Variants in PSAP observed in about 807,000 individuals in gnomAD.
PSAP encodes the protein prosaposin.
A neutral mutation model predicts 66.0 loss-of-function variants in PSAP; 25 were observed. The ratio of observed to expected loss-of-function variants is 0.38; its 90% CI spans 0.28 to 0.53. The LOEUF is 0.53. Among genes scored for constraint, PSAP ranks in the 20% least tolerant of loss-of-function variants. The probability of loss-of-function intolerance (pLI) is 0.83; values close to 1 mark genes in which losing one functional copy is unlikely to be tolerated. For missense variants in PSAP, 649 were observed against 668.8 expected, an observed-to-expected ratio of 0.97 and a Z score of 0.33; for synonymous variants, 273 against 258.9, an observed-to-expected ratio of 1.05 and a Z score of -0.52.
chr10:71,827,941 C>T lies in PSAP; in HGVS notation c.720+73G>A, dbSNP rs141634922. ...AAAAAAGAGAAGGATGTTGTCTGAA[C>T]GCCCTACTCCAGCCTCCACAGCCCA... On this transcript the variant is annotated intron_variant, in intron 6 of 13. Coordinates refer to ENST00000394936, the MANE Select transcript of PSAP (RefSeq NM_002778.4). 1,213 of 1,587,370 alleles carry T rather than the reference C, an allele frequency of 7.6e-4. 10 individuals are homozygous for T. In the African/African-American group the frequency reaches 0.014, roughly 19 times the overall value.
Position 71,833,082 on chromosome 10 carries a change from T to C in PSAP, c.175-1162A>G, listed in dbSNP as rs1487880817. Among the ~76,000 whole-genome samples, 5 of 149,022 alleles carry C rather than the reference T, an allele frequency of 3.4e-5. No individual in the cohort carries two copies. The Admixed American group carries it at 3.4e-4, about 10-fold the overall frequency. On this transcript the variant is annotated intron_variant, in intron 2 of 13. Coordinates refer to ENST00000394936, the MANE Select transcript of PSAP (RefSeq NM_002778.4). ...CCATGACAAGACCAGCCAATCAAGT[T>C]TTAAAGTCCTTACGGGACACACATT...
At chr10:71,837,952 G>A (rs1252131552) in intron 1 of PSAP, among the ~76,000 whole-genome samples, 2 of 152,220 alleles carry the variant, frequency 1.3e-5, no homozygotes, top group South Asian at 2.1e-4. Flanking sequence ...GGTGCTTGGG[G>A]GAATGGTCTC....
intron 7 of PSAP, 84 bp downstream of exon 7, chr10:71,825,753 A>C (rs1256664781): frequency 7.6e-7 from 1 of 1,322,906 alleles, no homozygotes. Flanking sequence ...GGGAAACTAA[A>C]CCATATAATT....
At chr10:71,849,227 T>A (rs548044226) in intron 1 of PSAP, among the ~76,000 whole-genome samples, 19 of 152,376 alleles carry the variant, frequency 1.2e-4, no homozygotes, top group Middle Eastern at 3.4e-3. Context: ...ATGATTTTTT[T>A]ATAAGCAGAT....
At chr10:71,818,564 C>G (rs1013517408) in intron 13 of PSAP, 53 bp downstream of exon 13, 3 of 1,483,006 alleles carry the variant, frequency 2.0e-6, no homozygotes, top group Non-Finnish European at 2.8e-6. Context: ...GATTCTCACA[C>G]AGGCTACCCC....
At chr10:71,830,686 C>T (rs960858488) in intron 4 of PSAP, among the ~76,000 whole-genome samples, 3 of 152,196 alleles carry the variant, frequency 2.0e-5, no homozygotes, top group African/African-American at 7.2e-5. Flanking sequence ...AAAACCCAGT[C>T]TGTGACACAG....
At chr10:71,823,874 T>TC (rs1255997977) in intron 7 of PSAP, 1 of 1,293,634 alleles carries the variant, frequency 7.7e-7, no homozygotes, top group Admixed American at 2.3e-5. Context: ...GCAAGCAGAT[T>TC]CCCCGACACA....
At position 71,817,144 on chromosome 10, in the gene PSAP, T is replaced by C. The variant is rs1282787519; in HGVS notation, c.*297A>G. 6.0e-6 allele frequency: 3 copies of C among 500,856 alleles called. No individual in the cohort carries two copies. The highest frequency in any genetic ancestry group is 1.1e-5 in the Non-Finnish European group (3 of 275,220). The allele number at this position is 500,856 out of a possible 1,614,324, so 31.0% of individuals were successfully genotyped here. A position where few individuals can be genotyped will look rare whatever the true frequency, so the allele number is the denominator to read the frequency against. On this transcript the variant is annotated 3_prime_UTR_variant, in exon 14 of 14. Transcript: ENST00000394936. The stretch of plus-strand genomic sequence containing the variant: ...CCTCCAGTCAAGAAACTGTGGCTCA[T>C]GCCAGCAGAGCTCTCTCCTCCTCCA...
chr10:71,826,401 T>C (rs1451541657), intron 6 of PSAP, among the ~76,000 whole-genome samples: 1 of 152,234 alleles, frequency 6.6e-6, no homozygotes, highest in African/African-American at 2.4e-5. Flanking sequence ...TTGCTCCTTG[T>C]ATTTGGGGAG....
chr10:71,831,066 C>T, intron 4 of PSAP, 60 bp downstream of exon 4: 18 of 1,608,474 alleles, frequency 1.1e-5, no homozygotes, highest in Non-Finnish European at 1.4e-5. Flanking sequence ...TACTCTGGGC[C>T]ACTGCCTCTC....
intron 1 of PSAP, among the ~76,000 whole-genome samples, chr10:71,847,802 C>T (rs1842849101): frequency 6.6e-6 from 1 of 152,158 alleles, no homozygotes; most frequent in Non-Finnish European, 1.5e-5. Flanking sequence ...GGAGATTTAT[C>T]CAAAATCCCT....
chr10:71,828,931 G>A lies in PSAP; in HGVS notation c.522C>T (p.Asn174=), dbSNP rs1326511224. The A allele has an allele frequency of 3.1e-6, 5 of 1,614,198 alleles. No homozygotes were observed. The East Asian group carries it at 1.1e-4, about 36-fold the overall frequency. ...MTEVVAPFMA[N]IPLLLYPQDG... ...CCTGAGGGTAGAGGAGGAGAGGGAT[G>A]TTGGCCATGAAGGGGGCCACCACCT... is the stretch of plus-strand genomic sequence containing the variant. The change falls in exon 5 of 14, where the codon AAC becomes AAT. Residue 174 remains asparagine (N), a synonymous_variant. Coordinates refer to ENST00000394936, the MANE Select transcript of PSAP (RefSeq NM_002778.4).
intron 2 of PSAP, 96 bp from the exon 3 acceptor site, chr10:71,832,016 A>C (rs1446222225): frequency 3.7e-5 from 46 of 1,229,922 alleles, no homozygotes; most frequent in Non-Finnish European, 3.6e-6. Context: ...ATTCTCTCTA[A>C]CCAGGGATAT....
chr10:71,846,664 G>T (rs1196694667), intron 1 of PSAP, among the ~76,000 whole-genome samples: 2 of 150,922 alleles, frequency 1.3e-5, no homozygotes, highest in African/African-American at 4.9e-5. Context: ...CCCGGGAGGT[G>T]GAGGTTGCAG....
chr10:71,841,129 C>T (rs145778609), intron 1 of PSAP, among the ~76,000 whole-genome samples: 104 of 152,302 alleles, frequency 6.8e-4, no homozygotes, highest in Non-Finnish European at 1.2e-3. Flanking sequence ...GGGTCAGAGG[C>T]GGGCTCTGCA....
Position 71,818,632 on chromosome 10 carries a change from T to C in PSAP, c.1524A>G (p.Thr508=). The C allele has an allele frequency of 6.2e-7, 1 of 1,613,812 alleles. No individual in the cohort carries two copies. Among genetic ancestry groups the C allele is most frequent in the East Asian group, 2.2e-5 (1 of 44,884 alleles). ...GPSYWCQNTE[T]AAQCNAVEHC... ...AGCTACTCACATTGCACTGGGCTGC[T>C]GTCTCTGTGTTCTGGCACCAGTAGC... Residue 508 remains threonine (T), a synonymous_variant, in exon 13 of 14, where the codon ACA becomes ACG. Coordinates refer to ENST00000394936, the MANE Select transcript of PSAP (RefSeq NM_002778.4).
chr10:71,823,816 C>CAAAAAAAAAAAAA, intron 7 of PSAP: 1 of 968,950 alleles, frequency 1.0e-6, no homozygotes, highest in Non-Finnish European at 1.4e-6. Flanking sequence ...ATGCCATACC[C>CAAAAAAAAAAAAA]AAAAAAAAAA....
Position 71,816,369 on chromosome 10 carries a change from A to G in PSAP, c.*1072T>C. ...AAACAAAAATCACGAAGTCCATTTA[A>G]TAGCAACTTCATGTCCTGCTGGCTT... On this transcript the variant is annotated 3_prime_UTR_variant, in exon 14 of 14. Coordinates refer to ENST00000394936, the MANE Select transcript of PSAP (RefSeq NM_002778.4). The G allele has an allele frequency of 2.1e-6, 1 of 469,648 alleles. No homozygotes were observed. The highest frequency in any genetic ancestry group is 4.4e-6 in the Non-Finnish European group (1 of 225,722). 29.1% of individuals were successfully genotyped at this position (469,648 alleles called of 1,614,324 possible).
At chr10:71,848,774 C>T (rs932220074) in intron 1 of PSAP, among the ~76,000 whole-genome samples, 2 of 152,164 alleles carry the variant, frequency 1.3e-5, no homozygotes, top group South Asian at 2.1e-4. Flanking sequence ...TTAGGAGTAA[C>T]ATTTTCACAA....
Sources: gnomAD v4.1 joint callset for allele counts (sites outside exome capture counted in the v4.1 genomes callset) on GRCh38, gnomAD v4.1.1 for gene constraint, MANE v1.5 for transcripts, NCBI Gene and HGNC (gene_info 2026-07-23, HGNC 2026-07-21) for gene names.